Variants in TBC1D14 observed in about 807,000 individuals in gnomAD.
TBC1D14 encodes TBC1 domain family, member 14.
A neutral mutation model predicts 79.0 loss-of-function variants in TBC1D14; 26 were observed. That is an observed-to-expected ratio of 0.33 (90% CI 0.24 to 0.46). TBC1D14 has a LOEUF of 0.46. Among genes scored for constraint, TBC1D14 ranks in the 20% least tolerant of loss-of-function variants. The pLI is 1.00. For synonymous variants in TBC1D14, 394 were observed against 349.9 expected (o/e 1.13, Z -1.40); for missense variants, 769 against 887.6 (o/e 0.87, Z 1.70).
chr4:6,960,392 TA>T, intron 2 of TBC1D14, among the ~76,000 whole-genome samples: 1 of 152,048 alleles, frequency 6.6e-6, no homozygotes, highest in Admixed American at 6.6e-5. Context: ...ATGCCTGGCC[TA>T]CCCCGTGCCT....
chr4:7,022,227 G>A (rs1253417027), intron 12 of TBC1D14, among the ~76,000 whole-genome samples: 1 of 152,218 alleles, frequency 6.6e-6, no homozygotes, highest in Admixed American at 6.5e-5. Context: ...ACGGTGCAGA[G>A]CTCTTGGAGT....
intron 2 of TBC1D14, among the ~76,000 whole-genome samples, chr4:6,965,965 C>T (rs1715665394): frequency 6.6e-6 from 1 of 152,216 alleles, no homozygotes. Flanking sequence ...GAGCTTTCCC[C>T]ACTGGTGTAA....
At chr4:6,966,749 T>C (rs909742989) in intron 2 of TBC1D14, among the ~76,000 whole-genome samples, 17 of 152,250 alleles carry the variant, frequency 1.1e-4, no homozygotes, top group East Asian at 3.8e-4. Context: ...CCCTTTGTTA[T>C]GACATAACAC....
intron 9 of TBC1D14, chr4:7,007,602 C>T: frequency 7.8e-6 from 10 of 1,289,318 alleles, no homozygotes; most frequent in Non-Finnish European, 1.0e-5. Flanking sequence ...TACAAAGCTC[C>T]AGCAGCTTTG....
intron 2 of TBC1D14, among the ~76,000 whole-genome samples, chr4:6,960,496 G>C (rs948928645): frequency 6.6e-6 from 1 of 152,160 alleles, no homozygotes; most frequent in Admixed American, 6.5e-5. Flanking sequence ...AAATGCAGAT[G>C]CAGGTGTTAC....
At chr4:6,932,603 G>T (rs1227376342) in intron 2 of TBC1D14, among the ~76,000 whole-genome samples, 1 of 152,152 alleles carries the variant, frequency 6.6e-6, no homozygotes, top group Non-Finnish European at 1.5e-5. Flanking sequence ...GACTCAGTGG[G>T]GAGCCACTGC....
chr4:6,965,601 G>A (rs926942305), intron 2 of TBC1D14, among the ~76,000 whole-genome samples: 1 of 152,118 alleles, frequency 6.6e-6, no homozygotes, highest in African/African-American at 2.4e-5. Flanking sequence ...CAGACTGGTG[G>A]TGTAATCATA....
chr4:6,940,905 G>A (rs2108974192), intron 2 of TBC1D14, among the ~76,000 whole-genome samples: 1 of 152,296 alleles, frequency 6.6e-6, no homozygotes, highest in Non-Finnish European at 1.5e-5. Context: ...CCGGCTTATG[G>A]CATGAATGAA....
intron 4 of TBC1D14, among the ~76,000 whole-genome samples, chr4:6,994,887 A>G (rs114732620): frequency 6.6e-6 from 1 of 150,978 alleles, no homozygotes; most frequent in South Asian, 2.1e-4. Context: ...AAAAAGAAGC[A>G]GTGTGTCTTC....
intron 2 of TBC1D14, among the ~76,000 whole-genome samples, chr4:6,944,039 G>GT (rs1231317756): frequency 6.6e-6 from 1 of 152,080 alleles, no homozygotes; most frequent in Non-Finnish European, 1.5e-5. Flanking sequence ...GGGGGTTTGG[G>GT]TTTTTTTGTG....
chr4:6,947,057 T>G (rs1222478980), intron 2 of TBC1D14, among the ~76,000 whole-genome samples: 1 of 152,142 alleles, frequency 6.6e-6, no homozygotes, highest in Admixed American at 6.5e-5. Flanking sequence ...CATCTCTCTC[T>G]CTCCTTGTAA....
At chr4:6,920,440 C>G (rs913429251) in intron 1 of TBC1D14, among the ~76,000 whole-genome samples, 15 of 151,598 alleles carry the variant, frequency 9.9e-5, no homozygotes, top group Non-Finnish European at 1.8e-4. Flanking sequence ...GCACCTGGCT[C>G]CCCTTTTTCT....
intron 2 of TBC1D14, among the ~76,000 whole-genome samples, chr4:6,952,346 G>A (rs181560493): frequency 2.6e-5 from 4 of 152,184 alleles, no homozygotes; most frequent in African/African-American, 4.8e-5. Flanking sequence ...TTCCCCACTT[G>A]AGAACCACAG....
intron 12 of TBC1D14, among the ~76,000 whole-genome samples, chr4:7,020,063 A>C (rs1721677343): frequency 6.7e-6 from 1 of 149,068 alleles, no homozygotes; most frequent in Non-Finnish European, 1.5e-5. Context: ...AGAGGTGGGT[A>C]TGTAAACCCT....
At chr4:7,000,926 G>C (rs772570822) in intron 6 of TBC1D14, among the ~76,000 whole-genome samples, 2 of 152,198 alleles carry the variant, frequency 1.3e-5, no homozygotes, top group East Asian at 1.9e-4. Flanking sequence ...GGTGACCTAC[G>C]CTATGCTGTG....
chr4:6,958,734 T>A (rs1490652436), intron 2 of TBC1D14, among the ~76,000 whole-genome samples: 1 of 151,582 alleles, frequency 6.6e-6, no homozygotes, highest in African/African-American at 2.4e-5. Flanking sequence ...TGGGCCTGGC[T>A]TGAACAGTCT....
intron 12 of TBC1D14, among the ~76,000 whole-genome samples, chr4:7,024,716 A>G (rs377514790): frequency 2.0e-5 from 3 of 152,204 alleles, no homozygotes; most frequent in Non-Finnish European, 2.9e-5. Context: ...CTGCCCCCAC[A>G]GCGTGAGCAC....
chr4:6,910,218 G>C (rs979146790), intron 1 of TBC1D14: 1 of 151,866 alleles, frequency 6.6e-6, no homozygotes, highest in Non-Finnish European at 1.5e-5. Flanking sequence ...GGAGGCGCGC[G>C]CTGTGTCCCG....
chr4:7,005,671 C>T (rs553620715), intron 8 of TBC1D14, among the ~76,000 whole-genome samples: 18 of 151,988 alleles, frequency 1.2e-4, no homozygotes, highest in Admixed American at 7.2e-4. Context: ...TGCACTCCAG[C>T]CTAGGTGACA....
Sources: gnomAD v4.1 joint callset for allele counts (sites outside exome capture counted in the v4.1 genomes callset) on GRCh38, gnomAD v4.1.1 for gene constraint, MANE v1.5 for transcripts, NCBI Gene and HGNC (gene_info 2026-07-23, HGNC 2026-07-21) for gene names.